DHX30: variants seen among roughly 807,000 people sequenced by gnomAD.
DHX30 encodes DExH-box helicase 30.
In DHX30, 4 loss-of-function variants were observed where a neutral mutation model predicts 116.9. The observed-to-expected ratio is 0.03, with a 90% confidence interval of 0.02 to 0.08. DHX30 has a LOEUF of 0.08. Among genes scored for constraint, DHX30 ranks in the 10% least tolerant of loss-of-function variants. The pLI is 1.00. For synonymous variants in DHX30, 697 were observed against 651.7 expected (o/e 1.07, Z -1.06); for missense variants, 871 against 1,595.1 (o/e 0.55, Z 7.73).
chr3:47,808,560 T>C (rs1432085750), intron 2 of DHX30, among the ~76,000 whole-genome samples: 2 of 151,592 alleles, frequency 1.3e-5, no homozygotes, highest in Admixed American at 1.3e-4. Flanking sequence ...TCTTTTTTTT[T>C]TTTCTTAAAT....
In DHX30 at chr3:47,848,493, G is replaced by C; in HGVS notation, c.2518G>C (p.Val840Leu). ...GGCGGTGGAGTTCCTGTCCAAGGCT[G>C]TGGACAGTCCAAACATCAAGGCAGT... ...KTAVEFLSKA[V>L]DSPNIKAVDE... Residue 840 changes from valine to leucine, a missense_variant, in exon 16 of 22, where the codon GTG becomes CTG. By Grantham distance (32) the Val-to-Leu change is conservative (BLOSUM62 1). Transcript: ENST00000445061. The surrounding 1 kb of genome is among the most constrained non-coding windows in gnomAD (Gnocchi z 9.4). The C allele has an allele frequency of 6.2e-7, 1 of 1,614,040 alleles. No individual in the cohort carries two copies. The highest frequency in any genetic ancestry group is 8.5e-7 in the Non-Finnish European group (1 of 1,179,984).
At chr3:47,843,306 C>T (rs768428086) in intron 9 of DHX30, 51 bp downstream of exon 9, 3 of 1,602,342 alleles carry the variant, frequency 1.9e-6, no homozygotes, top group East Asian at 2.2e-5. Context: ...CTTGAAGCTC[C>T]CCTCTGCCAG....
At chr3:47,840,089 C>T (rs537859376) in intron 6 of DHX30, among the ~76,000 whole-genome samples, 74 of 151,328 alleles carry the variant, frequency 4.9e-4, no homozygotes, top group Non-Finnish European at 6.2e-4. Context: ...CTCCGCCTCC[C>T]AGGTTCACGC....
intron 9 of DHX30, 24 bp downstream of exon 9, chr3:47,843,279 G>A (rs1236514477): frequency 2.5e-6 from 4 of 1,613,704 alleles, no homozygotes; most frequent in Admixed American, 1.7e-5. Context: ...GGTCCTGGGT[G>A]TGGTGCATGA....
chr3:47,824,061 G>A (rs1446401559), intron 4 of DHX30, among the ~76,000 whole-genome samples: 1 of 143,426 alleles, frequency 7.0e-6, no homozygotes, highest in African/African-American at 2.6e-5. Context: ...GAAGTGCAGT[G>A]GCATGATCTT....
At chr3:47,825,286 T>A in intron 4 of DHX30, 3 of 559,488 alleles carry the variant, frequency 5.4e-6, no homozygotes, top group Non-Finnish European at 6.3e-6. Flanking sequence ...CGCAGCGCCC[T>A]TGACTCCTGG....
At chr3:47,833,854 A>G (rs1470759278) in intron 6 of DHX30, among the ~76,000 whole-genome samples, 2 of 152,008 alleles carry the variant, frequency 1.3e-5, no homozygotes, top group African/African-American at 4.8e-5. Flanking sequence ...GCAAAACTCC[A>G]TCTCCAAAAA....
chr3:47,814,411 C>T lies in DHX30; in HGVS notation c.29-3611C>T, dbSNP rs1270589947. Among the ~76,000 whole-genome samples, 4 of 125,636 alleles carry T rather than the reference C, an allele frequency of 3.2e-5. No homozygotes were observed. In the East Asian group the frequency reaches 6.9e-4, roughly 22 times the overall value. The allele number at this position is 125,636 out of a possible 152,430, so 82.4% of individuals were successfully genotyped here. A position where few individuals can be genotyped will look rare whatever the true frequency, so the allele number is the denominator to read the frequency against. The stretch of plus-strand genomic sequence containing the variant: ...CTGCACTCTAGCCTGGGTGACAGAG[C>T]GAGACTCTGTCTCAAAACAAAAAAA... On this transcript the variant is annotated intron_variant, in intron 3 of 21. Coordinates refer to ENST00000445061, the MANE Select transcript of DHX30 (RefSeq NM_138615.3).
At chr3:47,832,927 C>G (rs892075654) in intron 6 of DHX30, among the ~76,000 whole-genome samples, 7 of 148,900 alleles carry the variant, frequency 4.7e-5, no homozygotes, top group African/African-American at 1.7e-4. Context: ...GTGTGATCCA[C>G]TGTGCCTGGC....
At chr3:47,818,287 G>A (rs1381468557) in intron 4 of DHX30, among the ~76,000 whole-genome samples, 170 bp downstream of exon 4, 3 of 152,172 alleles carry the variant, frequency 2.0e-5, no homozygotes, top group African/African-American at 7.2e-5. Context: ...GGAAAAGTCT[G>A]GATTTTTTCA....
In DHX30 at chr3:47,841,205, A is replaced by G. The variant is rs368014757; in HGVS notation, c.668+27A>G. ...TACAGATGGAGGATGGGGATGCAGC[A>G]GAGGCTGGCTGTGCCTTGACACGGG... On this transcript the variant is annotated intron_variant, in intron 7 of 21. Transcript: ENST00000445061. 6 of 1,609,260 alleles carry G rather than the reference A, an allele frequency of 3.7e-6. No individual in the cohort carries two copies. The African/African-American group carries it at 8.0e-5, about 22-fold the overall frequency.
intron 6 of DHX30, among the ~76,000 whole-genome samples, chr3:47,835,835 T>A (rs975659051): frequency 6.6e-6 from 1 of 152,254 alleles, no homozygotes; most frequent in Non-Finnish European, 1.5e-5. Flanking sequence ...TTTTCTTGTC[T>A]GCCTGCACTT....
chr3:47,829,531 A>G (rs1225834796), intron 6 of DHX30, among the ~76,000 whole-genome samples: 1 of 151,114 alleles, frequency 6.6e-6, no homozygotes, highest in African/African-American at 2.4e-5. Context: ...TTTAGTAGAG[A>G]GGGGGTTTCA....
chr3:47,820,445 C>A (rs1170604514), intron 4 of DHX30, among the ~76,000 whole-genome samples: 1 of 152,154 alleles, frequency 6.6e-6, no homozygotes, highest in African/African-American at 2.4e-5. Context: ...CAAGTGGATC[C>A]TTTCTTGCCA....
intron 6 of DHX30, among the ~76,000 whole-genome samples, chr3:47,839,379 C>T (rs1042756296): frequency 6.7e-6 from 1 of 148,932 alleles, no homozygotes; most frequent in Non-Finnish European, 1.5e-5. Context: ...ACCGCAACCT[C>T]TGCCTCCCAG....
At chr3:47,836,048 T>C (rs905331671) in intron 6 of DHX30, among the ~76,000 whole-genome samples, 1 of 152,228 alleles carries the variant, frequency 6.6e-6, no homozygotes. Flanking sequence ...AAAATAGCAA[T>C]TATGCTGAAG....
chr3:47,844,795 G>T (rs986271677), intron 9 of DHX30, among the ~76,000 whole-genome samples: 3 of 152,220 alleles, frequency 2.0e-5, no homozygotes, highest in Non-Finnish European at 2.9e-5. Flanking sequence ...AGGTATGTAG[G>T]GAGGTAAGAC....
chr3:47,829,802 C>T (rs544894924), intron 6 of DHX30, among the ~76,000 whole-genome samples: 117 of 152,026 alleles, frequency 7.7e-4, no homozygotes, highest in Admixed American at 1.2e-3. Flanking sequence ...TTTTCTCTAT[C>T]GCAATGTAGT....
At position 47,847,152 on chromosome 3, in the gene DHX30, G is replaced by A; in HGVS notation, c.1930-121G>A. Reference sequence around the variant, plus strand: ...AACTGGGGACTAACCCTGCCTGCGTGGCACACGTGAGGATTGGAGTTGATG... The same window carrying A: ...AACTGGGGACTAACCCTGCCTGCGTAGCACACGTGAGGATTGGAGTTGATG... On this transcript the variant is annotated intron_variant, in intron 11 of 21. Coordinates refer to ENST00000445061, the MANE Select transcript of DHX30 (RefSeq NM_138615.3). This position sits in a 1 kb window ranked among gnomAD's most constrained non-coding sequence, Gnocchi z 5.5. 6.7e-7 allele frequency: 1 copy of A among 1,483,218 alleles called. No homozygotes were observed. The highest frequency in any genetic ancestry group is 9.3e-7 in the Non-Finnish European group (1 of 1,071,094). The allele number at this position is 1,483,218 out of a possible 1,614,324, so 91.9% of individuals were successfully genotyped here.
Sources: gnomAD v4.1 joint callset for allele counts (sites outside exome capture counted in the v4.1 genomes callset) on GRCh38, gnomAD v4.1.1 for gene constraint, Gnocchi (gnomAD v3.1) non-coding constraint, MANE v1.5 for transcripts, NCBI Gene and HGNC (gene_info 2026-07-23, HGNC 2026-07-21) for gene names.